Variants in MED24 observed in about 807,000 individuals in gnomAD.
The protein encoded by MED24 is mediator complex subunit 24.
A neutral mutation model predicts 118.8 loss-of-function variants in MED24; 74 were observed. The ratio of observed to expected loss-of-function variants is 0.62; its 90% CI spans 0.52 to 0.76. The LOEUF (loss-of-function observed/expected upper bound fraction) is 0.76. Among genes scored for constraint, MED24 ranks in the 30% least tolerant of loss-of-function variants. The pLI, the probability that MED24 is intolerant of heterozygous loss-of-function variation, is 0.00. For missense variants in MED24, 1,041 were observed against 1,278.9 expected, an observed-to-expected ratio of 0.81 and a Z score of 2.84; for synonymous variants, 521 against 523.9, an observed-to-expected ratio of 0.99 and a Z score of 0.08.
chr17:40,027,158 A>C, intron 16 of MED24, 124 bp from the exon 17 acceptor site: 1 of 1,301,214 alleles, frequency 7.7e-7, no homozygotes, highest in East Asian at 2.5e-5. Flanking sequence ...ACTGGGGACG[A>C]ACTGGTCTAA....
intron 3 of MED24, among the ~76,000 whole-genome samples, chr17:40,041,108 G>A (rs1020185722): frequency 6.6e-6 from 1 of 151,992 alleles, no homozygotes; most frequent in Non-Finnish European, 1.5e-5. Flanking sequence ...ACTATTCAAC[G>A]CACTCCAATC....
At chr17:40,034,859 C>T in intron 6 of MED24, 3 of 217,368 alleles carry the variant, frequency 1.4e-5, no homozygotes, top group Non-Finnish European at 2.9e-5. Context: ...TAGCCCCCCA[C>T]CCCCCACCCC....
intron 20 of MED24, 45 bp downstream of exon 20, chr17:40,023,086 G>A: frequency 5.7e-6 from 9 of 1,577,766 alleles, no homozygotes; most frequent in Non-Finnish European, 7.8e-6. Flanking sequence ...TGGGGAGCCA[G>A]GGGACAGGAC....
At position 40,053,418 on chromosome 17, in the gene MED24, A is replaced by C. The variant is rs749941877; in HGVS notation, c.131-38T>G. The C allele has an allele frequency of 3.6e-5, 58 of 1,613,474 alleles. No homozygotes were observed. In the East Asian group the frequency reaches 1.3e-3, roughly 35 times the overall value. On this transcript the variant is annotated intron_variant, in intron 2 of 25. Coordinates refer to ENST00000394128, the MANE Select transcript of MED24 (RefSeq NM_014815.4). Reference sequence around the variant, plus strand: ...TAGCAAAACACAACTGAGTGATTACAACTTCTCTGGGTTTATCCCTCCCAT... The same window carrying C: ...TAGCAAAACACAACTGAGTGATTACCACTTCTCTGGGTTTATCCCTCCCAT...
Position 40,031,249 on chromosome 17 carries a change from T to C in MED24, c.1068-4A>G, listed in dbSNP as rs750708540. The C allele has an allele frequency of 4.5e-6, 7 of 1,562,022 alleles. No individual in the cohort carries two copies. Among genetic ancestry groups the C allele is most frequent in the Non-Finnish European group, 6.1e-6 (7 of 1,152,120 alleles). On this transcript the variant is annotated splice_region_variant and splice_polypyrimidine_tract_variant and intron_variant, in intron 11 of 25. Coordinates refer to ENST00000394128, the MANE Select transcript of MED24 (RefSeq NM_014815.4). ...CAGGAAGTTTGTACAGTCACAGCTG[T>C]GAGGGAGAAAGATGCTGAGGGAACT...
intron 3 of MED24, among the ~76,000 whole-genome samples, chr17:40,052,185 C>A (rs1450313386): frequency 6.6e-6 from 1 of 151,762 alleles, no homozygotes; most frequent in South Asian, 2.1e-4. Context: ...CCCAGCTACT[C>A]GGGAGGCTGA....
chr17:40,032,667 T>C lies in MED24; in HGVS notation c.918A>G (p.Thr306=). 1 of 1,613,428 alleles carries C rather than the reference T, an allele frequency of 6.2e-7. No individual in the cohort carries two copies. The highest frequency in any genetic ancestry group is 8.5e-7 in the Non-Finnish European group (1 of 1,179,598). The change falls in exon 9 of 26, where the codon ACA becomes ACG. Residue 306 remains threonine (T), a synonymous_variant. Transcript: ENST00000394128. ...SPEGTEELKW[T]AFTFLKIPQV... ...CCAGTACCTTGAGGAAAGTGAAAGC[T>C]GTCCACTTGAGCTCCTCCGTACCCT...
Position 40,033,773 on chromosome 17 carries a change from T to C in MED24, c.560-317A>G. On this transcript the variant is annotated intron_variant, in intron 6 of 25. Transcript: ENST00000394128. The surrounding 1 kb of genome is among the most constrained non-coding windows in gnomAD (Gnocchi z 5.2). ...CAGAGGGAGGCCAGAATCCAGTGGC[T>C]GGAACAGGGAGGGCGGCCACAAATC... 1.9e-6 allele frequency: 1 copy of C among 522,474 alleles called. No homozygotes were observed. Among genetic ancestry groups the C allele is most frequent in the Non-Finnish European group, 3.7e-6 (1 of 270,816 alleles). 32.4% of individuals were successfully genotyped at this position (522,474 alleles called of 1,614,324 possible).
chr17:40,022,835 C>T lies in MED24; in HGVS notation c.2251-9G>A. ...GTCTCCTTCAGCAGCTCCTAGTGCGCAGGAAAGGGGGCAGTTCAGGAGCCA... is the reference window on the plus strand; with the variant it reads ...GTCTCCTTCAGCAGCTCCTAGTGCGTAGGAAAGGGGGCAGTTCAGGAGCCA... On this transcript the variant is annotated splice_polypyrimidine_tract_variant and intron_variant, in intron 20 of 25. Coordinates refer to ENST00000394128, the MANE Select transcript of MED24 (RefSeq NM_014815.4). 6.2e-7 allele frequency: 1 copy of T among 1,612,300 alleles called. No individual in the cohort carries two copies. Among genetic ancestry groups the T allele is most frequent in the Non-Finnish European group, 8.5e-7 (1 of 1,179,748 alleles).
chr17:40,045,863 C>T (rs948538019), intron 3 of MED24, among the ~76,000 whole-genome samples: 7 of 152,292 alleles, frequency 4.6e-5, no homozygotes, highest in East Asian at 3.9e-4. Flanking sequence ...CTCCAACCTC[C>T]GCCTCCTGGG....
In MED24 at chr17:40,033,740, G is replaced by A. The variant is rs1304834976; in HGVS notation, c.560-284C>T. On this transcript the variant is annotated intron_variant, in intron 6 of 25. Transcript: ENST00000394128. The surrounding 1 kb of genome is among the most constrained non-coding windows in gnomAD (Gnocchi z 5.2). ...GGTATGGCATCACACAGGCTCAGGA[G>A]AGAGAGGCAGAGGGAGGCCAGAATC... The A allele has an allele frequency of 1.8e-6, 1 of 566,042 alleles. No homozygotes were observed. The highest frequency in any genetic ancestry group is 3.3e-6 in the Non-Finnish European group (1 of 298,744). The allele number at this position is 566,042 out of a possible 1,614,324, so 35.1% of individuals were successfully genotyped here. A position where few individuals can be genotyped will look rare whatever the true frequency, so the allele number is the denominator to read the frequency against.
In MED24 at chr17:40,028,357, G is replaced by A. The variant is rs200375756; in HGVS notation, c.1410-411C>T. Among the ~76,000 whole-genome samples, 9 of 152,098 alleles carry A rather than the reference G, an allele frequency of 5.9e-5. No individual in the cohort carries two copies. The East Asian group carries it at 1.4e-3, about 23-fold the overall frequency. On this transcript the variant is annotated intron_variant, in intron 14 of 25. Transcript: ENST00000394128. ...TTGAACTCCTGACCTCAGGTGATCC[G>A]CCCACCTTGGCCTCCCTAAGTGCTA...
intron 3 of MED24, among the ~76,000 whole-genome samples, chr17:40,044,519 C>CAA (rs373689831): frequency 1.4e-5 from 2 of 140,142 alleles, no homozygotes; most frequent in African/African-American, 5.2e-5. Flanking sequence ...GACTCCATCT[C>CAA]AAAAAAAAAA....
At chr17:40,035,840 C>T (rs369861489) in intron 4 of MED24, 45 bp from the exon 5 acceptor site, 105 of 1,561,718 alleles carry the variant, frequency 6.7e-5, no homozygotes, top group Non-Finnish European at 8.0e-5. Flanking sequence ...CTCCATCCAC[C>T]CCCAGGTCTC....
Position 40,023,266 on chromosome 17 carries a change from C to T in MED24, c.2115G>A (p.Arg705=), listed in dbSNP as rs1473044825. 6.2e-7 allele frequency: 1 copy of T among 1,614,158 alleles called. No homozygotes were observed. Among genetic ancestry groups the T allele is most frequent in the Admixed American group, 1.7e-5 (1 of 60,020 alleles). The change falls in exon 20 of 26, where the codon CGG becomes CGA. Residue 705 remains arginine (R), a synonymous_variant. Coordinates refer to ENST00000394128, the MANE Select transcript of MED24 (RefSeq NM_014815.4). ...TGTCCGTCAGCACCTCTTTGATGGG[C>T]CGCTTGGGGGGCAGCAGGTTCCAGT... The part of the protein sequence containing the change: ...MPYWNLLPPK[R]PIKEVLTDIF...
At chr17:40,050,451 A>G (rs1567639256) in intron 3 of MED24, among the ~76,000 whole-genome samples, 1 of 152,116 alleles carries the variant, frequency 6.6e-6, no homozygotes, top group Non-Finnish European at 1.5e-5. Flanking sequence ...TGTCTCAAAA[A>G]AAAATATGAG....
At chr17:40,026,421 A>G (rs1982652293) in intron 18 of MED24, 90 bp from the exon 19 acceptor site, 1 of 1,490,810 alleles carries the variant, frequency 6.7e-7, no homozygotes, top group Middle Eastern at 1.8e-4. Context: ...AGCTAAGTGC[A>G]GCGGGTGGAG....
At chr17:40,032,953 G>A (rs1402742837) in intron 8 of MED24, 103 bp downstream of exon 8, 2 of 1,516,564 alleles carry the variant, frequency 1.3e-6, no homozygotes, top group Non-Finnish European at 1.8e-6. Context: ...TCATGGAGCA[G>A]GAGAAACCCC....
intron 12 of MED24, 69 bp from the exon 13 acceptor site, chr17:40,029,928 T>C: frequency 7.0e-7 from 1 of 1,428,242 alleles, no homozygotes; most frequent in Non-Finnish European, 9.9e-7. Flanking sequence ...CGTTCCCTCG[T>C]TCAAGCCCGG....
Sources: gnomAD v4.1 joint callset for allele counts (sites outside exome capture counted in the v4.1 genomes callset) on GRCh38, gnomAD v4.1.1 for gene constraint, Gnocchi (gnomAD v3.1) non-coding constraint, MANE v1.5 for transcripts, NCBI Gene and HGNC (gene_info 2026-07-23, HGNC 2026-07-21) for gene names.